PDE8A: variants seen among roughly 807,000 people sequenced by gnomAD.
The protein encoded by PDE8A is high affinity cAMP-specific and IBMX-insensitive 3',5'-cyclic phosphodiesterase 8A.
Under a neutral mutation model 105.0 loss-of-function variants are expected in PDE8A, and 59 were observed. The observed-to-expected ratio is 0.56, with a 90% CI of 0.46 to 0.70. PDE8A has a LOEUF of 0.70. Among genes scored for constraint, PDE8A ranks in the 30% least tolerant of loss-of-function variants. The pLI is 0.00. For synonymous variants in PDE8A, 355 were observed against 371.9 expected, an observed-to-expected ratio of 0.95 and a Z score of 0.52; for missense variants, 1,014 against 1,045.9, an observed-to-expected ratio of 0.97 and a Z score of 0.42.
At chr15:85,006,649 A>G (rs1388831492) in intron 1 of PDE8A, among the ~76,000 whole-genome samples, 1 of 151,426 alleles carries the variant, frequency 6.6e-6, no homozygotes. Context: ...TCTTGTGTAG[A>G]TTTTTTAAAA....
chr15:85,092,920 C>CTTTTTT (rs5814181), intron 8 of PDE8A, among the ~76,000 whole-genome samples: 4 of 132,052 alleles, frequency 3.0e-5, no homozygotes, highest in South Asian at 2.4e-4. Context: ...TACTGCTTTC[C>CTTTTTT]TTTTTTTTTT....
intron 1 of PDE8A, among the ~76,000 whole-genome samples, chr15:85,009,170 A>G (rs921038211): frequency 6.6e-6 from 1 of 151,028 alleles, no homozygotes. Context: ...AGGATATTCA[A>G]AGTGGAAAAG....
intron 1 of PDE8A, among the ~76,000 whole-genome samples, chr15:84,998,480 A>G (rs2080014754): frequency 6.6e-6 from 1 of 152,218 alleles, no homozygotes; most frequent in African/African-American, 2.4e-5. Flanking sequence ...GGATGTCATT[A>G]GAGGAGTTGC....
intron 1 of PDE8A, among the ~76,000 whole-genome samples, chr15:85,046,250 T>C (rs2080886135): frequency 6.6e-6 from 1 of 152,026 alleles, no homozygotes; most frequent in Non-Finnish European, 1.5e-5. Context: ...GGTTTTACTA[T>C]GTTGGCTAGG....
intron 1 of PDE8A, among the ~76,000 whole-genome samples, chr15:85,029,573 A>G (rs2080578597): frequency 6.6e-6 from 1 of 151,862 alleles, no homozygotes; most frequent in Admixed American, 6.6e-5. Context: ...TTTTACTTCT[A>G]TTTATTTCTT....
At chr15:85,094,878 GTCA>G (rs1243154916) in intron 8 of PDE8A, among the ~76,000 whole-genome samples, 3 of 152,244 alleles carry the variant, frequency 2.0e-5, no homozygotes, top group South Asian at 4.1e-4. Context: ...GTCTTACTGA[GTCA>G]TCATTTTGTC....
chr15:85,076,433 A>G (rs2081381598), intron 4 of PDE8A, among the ~76,000 whole-genome samples: 1 of 151,878 alleles, frequency 6.6e-6, no homozygotes, highest in Non-Finnish European at 1.5e-5. Flanking sequence ...GAAGTAGAAG[A>G]AAATAGGAGT....
chr15:85,117,379 C>G (rs1392624880), intron 16 of PDE8A, among the ~76,000 whole-genome samples: 1 of 152,158 alleles, frequency 6.6e-6, no homozygotes, highest in East Asian at 1.9e-4. Flanking sequence ...CAAACTCCCC[C>G]CAACAAATCG....
intron 1 of PDE8A, among the ~76,000 whole-genome samples, chr15:85,062,053 G>A (rs1249276005): frequency 6.6e-6 from 1 of 151,952 alleles, no homozygotes; most frequent in African/African-American, 2.4e-5. Context: ...TCTTGAAGTT[G>A]TTGTAAAGTC....
intron 19 of PDE8A, among the ~76,000 whole-genome samples, chr15:85,125,970 A>T (rs1481817437): frequency 6.6e-6 from 1 of 151,922 alleles, no homozygotes; most frequent in South Asian, 2.1e-4. Context: ...AGATATACCA[A>T]CCCCTAGTGC....
chr15:85,120,258 C>T (rs1236088147), intron 17 of PDE8A: 1 of 151,886 alleles, frequency 6.6e-6, no homozygotes, highest in African/African-American at 2.4e-5. Context: ...ATTCTTTAGC[C>T]CTTTAAGGAA....
At chr15:85,097,508 G>A (rs1035783821) in intron 8 of PDE8A, among the ~76,000 whole-genome samples, 2 of 152,146 alleles carry the variant, frequency 1.3e-5, no homozygotes, top group Non-Finnish European at 2.9e-5. Flanking sequence ...AGGGCCTCAA[G>A]CCATTTAGTT....
intron 1 of PDE8A, among the ~76,000 whole-genome samples, chr15:85,018,260 A>C (rs1358705697): frequency 1.3e-5 from 2 of 152,186 alleles, no homozygotes; most frequent in African/African-American, 4.8e-5. Context: ...TAAAATAGTC[A>C]TGTAGATAAA....
At chr15:85,078,567 AAAAG>A (rs1304843911) in intron 5 of PDE8A, among the ~76,000 whole-genome samples, 7 of 150,096 alleles carry the variant, frequency 4.7e-5, no homozygotes, top group East Asian at 1.9e-4. Flanking sequence ...AAAAAAAAAA[AAAAG>A]AAAGAAAAGA....
chr15:85,065,653 C>A (rs539909412), intron 2 of PDE8A, among the ~76,000 whole-genome samples: 1 of 152,158 alleles, frequency 6.6e-6, no homozygotes, highest in Non-Finnish European at 1.5e-5. Context: ...TGAGTAAACT[C>A]GGAAGAAATA....
intron 1 of PDE8A, among the ~76,000 whole-genome samples, chr15:84,982,674 C>T (rs574925817): frequency 6.6e-5 from 10 of 152,294 alleles, no homozygotes; most frequent in Non-Finnish European, 7.3e-5. Context: ...ATTTCCTCTC[C>T]AAGAGCGGGT....
chr15:85,053,986 T>A (rs1396039229), intron 1 of PDE8A, among the ~76,000 whole-genome samples: 9 of 152,240 alleles, frequency 5.9e-5, no homozygotes. Context: ...TTTTGAGATA[T>A]GTCCCATCAA....
At chr15:85,015,987 T>C (rs2080318863) in intron 1 of PDE8A, among the ~76,000 whole-genome samples, 1 of 152,014 alleles carries the variant, frequency 6.6e-6, no homozygotes, top group South Asian at 2.1e-4. Context: ...AATACAAAAA[T>C]GTGCTGAGTG....
chr15:85,034,334 A>T (rs2080667424), intron 1 of PDE8A, among the ~76,000 whole-genome samples: 1 of 152,220 alleles, frequency 6.6e-6, no homozygotes, highest in African/African-American at 2.4e-5. Context: ...TCGAAGATAA[A>T]CTTCAGTCCA....
Sources: gnomAD v4.1 joint callset for allele counts (sites outside exome capture counted in the v4.1 genomes callset) on GRCh38, gnomAD v4.1.1 for gene constraint, MANE v1.5 for transcripts, NCBI Gene and HGNC (gene_info 2026-07-23, HGNC 2026-07-21) for gene names.